Variants in VTA1 observed in about 807,000 individuals in gnomAD.
The protein encoded by VTA1 is vesicle trafficking 1, also known as vacuolar protein sorting-associated protein VTA1 homolog.
VTA1 carries 24 observed loss-of-function variants against 36.9 expected under a neutral mutation model. That is an observed-to-expected ratio of 0.65 (90% CI 0.47 to 0.91). VTA1 has a LOEUF of 0.91. VTA1 is among the 40% of genes least tolerant of loss of function. VTA1 has a pLI of 0.00. For missense variants in VTA1, 393 were observed against 377.2 expected, an observed-to-expected ratio of 1.04 and a Z score of -0.35; for synonymous variants, 142 against 130.2, an observed-to-expected ratio of 1.09 and a Z score of -0.62.
chr6:142,217,742 G>A (rs1267294568), intron 7 of VTA1, among the ~76,000 whole-genome samples: 3 of 151,754 alleles, frequency 2.0e-5, no homozygotes. Flanking sequence ...AATTTCCAAA[G>A]AAAATGGTGG....
chr6:142,194,186 C>T (rs1171439162), intron 5 of VTA1, among the ~76,000 whole-genome samples: 1 of 152,090 alleles, frequency 6.6e-6, no homozygotes, highest in African/African-American at 2.4e-5. Context: ...TCAACACGTT[C>T]CTCATTTGGG....
In VTA1 at chr6:142,218,769, T is replaced by G; in HGVS notation, c.*126T>G. 8.9e-7 allele frequency: 1 copy of G among 1,123,968 alleles called. No individual in the cohort carries two copies. The allele number at this position is 1,123,968 out of a possible 1,614,324, so 69.6% of individuals were successfully genotyped here. ...TTTTGTTGAATATGACAATGAAATCTGTGTGTATCAGATTTTTATTGAAGC... is the reference window on the plus strand; with the variant it reads ...TTTTGTTGAATATGACAATGAAATCGGTGTGTATCAGATTTTTATTGAAGC... On this transcript the variant is annotated 3_prime_UTR_variant, in exon 8 of 8. Transcript: ENST00000367630.
chr6:142,191,929 A>G (rs1420834551), intron 5 of VTA1, among the ~76,000 whole-genome samples: 1 of 152,132 alleles, frequency 6.6e-6, no homozygotes, highest in Non-Finnish European at 1.5e-5. Flanking sequence ...AAAAGGTAGT[A>G]TATTTCACAA....
chr6:142,170,083 A>C (rs1774998969), intron 3 of VTA1, among the ~76,000 whole-genome samples: 1 of 152,202 alleles, frequency 6.6e-6, no homozygotes, highest in South Asian at 2.1e-4. Flanking sequence ...GTCAGATAAT[A>C]CTATAATTAC....
chr6:142,206,840 A>G (rs568364287), intron 7 of VTA1, among the ~76,000 whole-genome samples: 7 of 152,316 alleles, frequency 4.6e-5, no homozygotes, highest in Middle Eastern at 3.4e-3. Flanking sequence ...ACCATTGAAA[A>G]AAGATACTCG....
chr6:142,169,680 A>G lies in VTA1; in HGVS notation c.335+3A>G. The G allele has an allele frequency of 6.5e-7, 1 of 1,548,364 alleles. No homozygotes were observed. Among genetic ancestry groups the G allele is most frequent in the Non-Finnish European group, 8.6e-7 (1 of 1,157,808 alleles). ...GATCGTGCTGGACGATTTCACAAGT[A>G]AGTAAAGAGAAAAATAAAAATTATT... On this transcript the variant is annotated splice_donor_region_variant and intron_variant, in intron 3 of 7. Coordinates refer to ENST00000367630, the MANE Select transcript of VTA1 (RefSeq NM_016485.5).
intron 5 of VTA1, among the ~76,000 whole-genome samples, 183 bp from the exon 6 acceptor site, chr6:142,198,256 T>C (rs115325573): frequency 0.017 from 2,507 of 151,608 alleles, 70 homozygotes; most frequent in African/African-American, 0.057. Flanking sequence ...TCAGGTACAA[T>C]TACATTTTTT....
At chr6:142,183,977 A>G (rs1775294562) in intron 4 of VTA1, among the ~76,000 whole-genome samples, 1 of 152,212 alleles carries the variant, frequency 6.6e-6, no homozygotes, top group Admixed American at 6.5e-5. Context: ...TAGGACTGAA[A>G]GAACCTTCTA....
intron 7 of VTA1, among the ~76,000 whole-genome samples, chr6:142,214,120 G>GAA (rs1327946681): frequency 1.3e-5 from 2 of 152,192 alleles, no homozygotes; most frequent in East Asian, 3.9e-4. Flanking sequence ...TACACTTTTA[G>GAA]AAACAGTCAG....
intron 7 of VTA1, among the ~76,000 whole-genome samples, chr6:142,214,414 T>C (rs533849869): frequency 2.8e-4 from 42 of 152,242 alleles, no homozygotes; most frequent in Admixed American, 1.9e-3. Flanking sequence ...GGCACCTTCT[T>C]CACACGGCAA....
intron 7 of VTA1, among the ~76,000 whole-genome samples, chr6:142,209,588 TGAATG>T (rs1452377366): frequency 6.7e-6 from 1 of 149,366 alleles, no homozygotes; most frequent in Non-Finnish European, 1.5e-5. Context: ...AAAATTCTGT[TGAATG>T]TAATACAAAA....
intron 6 of VTA1, 184 bp downstream of exon 6, chr6:142,198,799 T>A: frequency 7.7e-6 from 4 of 516,680 alleles, no homozygotes. Context: ...TGTATTCTAA[T>A]TATTTGAGAA....
intron 5 of VTA1, among the ~76,000 whole-genome samples, chr6:142,194,731 T>C (rs1231497115): frequency 6.6e-6 from 1 of 152,110 alleles, no homozygotes; most frequent in Non-Finnish European, 1.5e-5. Flanking sequence ...CCAATCCTCA[T>C]TTCTTTCTTT....
intron 2 of VTA1, 27 bp from the exon 3 acceptor site, chr6:142,169,523 T>G: frequency 6.2e-7 from 1 of 1,600,010 alleles, no homozygotes; most frequent in Non-Finnish European, 8.5e-7. Flanking sequence ...TCCAAAATCA[T>G]AAGCTATGTA....
intron 4 of VTA1, 28 bp from the exon 5 acceptor site, chr6:142,189,398 A>G (rs764851391): frequency 1.2e-5 from 18 of 1,530,138 alleles, no homozygotes; most frequent in Admixed American, 8.4e-5. Flanking sequence ...CCATAGTCCA[A>G]TGTTGATATA....
chr6:142,186,513 A>G (rs183455591), intron 4 of VTA1, among the ~76,000 whole-genome samples: 2 of 152,212 alleles, frequency 1.3e-5, no homozygotes, highest in East Asian at 3.9e-4. Context: ...AGACCAATCA[A>G]GGTATGTTTC....
intron 7 of VTA1, among the ~76,000 whole-genome samples, chr6:142,215,527 T>C (rs1321542055): frequency 1.3e-5 from 2 of 152,204 alleles, no homozygotes; most frequent in Non-Finnish European, 2.9e-5. Context: ...ATTCTGCCTG[T>C]ATTCATAACT....
intron 7 of VTA1, among the ~76,000 whole-genome samples, chr6:142,205,768 G>C (rs1775779971): frequency 6.6e-6 from 1 of 151,860 alleles, no homozygotes; most frequent in South Asian, 2.1e-4. Context: ...GAATATGAAA[G>C]ACATAGATAA....
In VTA1 at chr6:142,219,535, A is replaced by C. The variant is rs1336591573; in HGVS notation, c.*892A>C. 1 of 152,198 alleles carries C rather than the reference A, an allele frequency of 6.6e-6. No individual in the cohort carries two copies. Among genetic ancestry groups the C allele is most frequent in the Non-Finnish European group, 1.5e-5 (1 of 68,024 alleles). The allele number at this position is 152,198 out of a possible 1,614,324, so 9.4% of individuals were successfully genotyped here. A position where few individuals can be genotyped will look rare whatever the true frequency, so the allele number is the denominator to read the frequency against. ...AAGTTTTGTGGGGAATTATGAACTTACTGTGTACTACCTGCATTTGTGCTG... is the reference window on the plus strand; with the variant it reads ...AAGTTTTGTGGGGAATTATGAACTTCCTGTGTACTACCTGCATTTGTGCTG... On this transcript the variant is annotated 3_prime_UTR_variant, in exon 8 of 8. Coordinates refer to ENST00000367630, the MANE Select transcript of VTA1 (RefSeq NM_016485.5).
Sources: allele counts gnomAD v4.1 joint callset (sites outside exome capture counted in the v4.1 genomes callset), GRCh38; gene constraint gnomAD v4.1.1; transcripts MANE v1.5; gene names NCBI Gene and HGNC (gene_info 2026-07-23, HGNC 2026-07-21).